The following UBR1 variants were observed in gnomAD, a reference collection of about 807,000 sequenced individuals.
The protein encoded by UBR1 is ubiquitin protein ligase E3 component n-recognin 1.
Under a neutral mutation model 242.1 loss-of-function variants are expected in UBR1, and 102 were observed. That is an observed-to-expected ratio of 0.42 (90% confidence interval 0.36 to 0.50). The LOEUF is 0.50. Among genes scored for constraint, UBR1 ranks in the 20% least tolerant of loss-of-function variants. The pLI is 0.01. For synonymous variants in UBR1, 675 were observed against 684.8 expected (o/e 0.99, Z 0.22); for missense variants, 1,772 against 2,101.8 (o/e 0.84, Z 3.07).
At position 43,075,055 on chromosome 15, in the gene UBR1, C is replaced by T; in HGVS notation, c.452G>A (p.Cys151Tyr). Residue 151 changes from cysteine (C) to tyrosine (Y), a missense_variant, in exon 4 of 47, where the codon TGT becomes TAT. Coordinates refer to ENST00000290650, the MANE Select transcript of UBR1 (RefSeq NM_174916.3). Reference protein sequence around the residue: ...HTSTGGGFCDCGDTEAWKTGP... With the variant: ...HTSTGGGFCDYGDTEAWKTGP... ...AGTTTTCCATGCCTCTGTGTCTCCA[C>T]AGTCACAGAACCCTCCTCCAGTAGA... 6.2e-7 allele frequency: 1 copy of T among 1,614,046 alleles called. No individual in the cohort carries two copies. The highest frequency in any genetic ancestry group is 8.5e-7 in the Non-Finnish European group (1 of 1,179,918).
At chr15:43,036,740 C>T (rs961060878) in intron 17 of UBR1, 147 bp from the exon 18 acceptor site, 2 of 613,418 alleles carry the variant, frequency 3.3e-6, no homozygotes, top group African/African-American at 1.9e-5. Context: ...CTATGAATCA[C>T]TTAAAGGGAC....
chr15:43,041,343 A>G (rs1034473144), intron 15 of UBR1, among the ~76,000 whole-genome samples: 1 of 152,162 alleles, frequency 6.6e-6, no homozygotes, highest in Non-Finnish European at 1.5e-5. Context: ...TATCACAGGG[A>G]CAAAAAACCA....
At chr15:42,992,764 C>T (rs939501946) in intron 33 of UBR1, among the ~76,000 whole-genome samples, 5 of 152,216 alleles carry the variant, frequency 3.3e-5, no homozygotes, top group African/African-American at 1.2e-4. Context: ...GGCCCTTTTC[C>T]CCAGTTTCTC....
At chr15:43,100,851 A>T (rs2034225262) in intron 1 of UBR1, among the ~76,000 whole-genome samples, 1 of 152,240 alleles carries the variant, frequency 6.6e-6, no homozygotes, top group Non-Finnish European at 1.5e-5. Context: ...AGATGCATCA[A>T]TGAACAAGTC....
chr15:43,043,656 A>T (rs75710261), intron 14 of UBR1, among the ~76,000 whole-genome samples: 1 of 152,066 alleles, frequency 6.6e-6, no homozygotes, highest in Non-Finnish European at 1.5e-5. Context: ...CATGTTGGCC[A>T]AGCTGGTTTT....
At chr15:43,016,021 C>T in intron 28 of UBR1, 152 bp from the exon 29 acceptor site, 2 of 674,494 alleles carry the variant, frequency 3.0e-6, no homozygotes, top group Non-Finnish European at 5.0e-6. Context: ...ATTAGCATTA[C>T]AGGCTGCATG....
chr15:42,974,599 G>C (rs931362016), intron 39 of UBR1, among the ~76,000 whole-genome samples: 2 of 152,052 alleles, frequency 1.3e-5, no homozygotes, highest in African/African-American at 4.8e-5. Flanking sequence ...GTACTTGTTT[G>C]TTTACTTATT....
chr15:42,966,170 G>A lies in UBR1; in HGVS notation c.4574C>T (p.Pro1525Leu), dbSNP rs762689115. Residue 1525 changes from proline to leucine, a missense_variant, in exon 41 of 47, where the codon CCT becomes CTT. This residue lies in a region of UBR1 where 965 missense variants were observed against 1,079.7 expected (regional missense o/e 0.89). Coordinates refer to ENST00000290650, the MANE Select transcript of UBR1 (RefSeq NM_174916.3). ...CTACTTACTGGTATGCAGTTCCTCA[G>A]GCGGAGTTACCCCAAGTAAATAGTG... ...FFHYLLGVTPPEELHTNSAEG... is the reference protein window; with the variant it reads ...FFHYLLGVTPLEELHTNSAEG... 2 of 1,614,062 alleles carry A rather than the reference G, an allele frequency of 1.2e-6. No individual in the cohort carries two copies. The highest frequency in any genetic ancestry group is 1.7e-6 in the Non-Finnish European group (2 of 1,180,014).
chr15:42,997,966 G>A (rs1052229549), intron 33 of UBR1, among the ~76,000 whole-genome samples: 1 of 152,122 alleles, frequency 6.6e-6, no homozygotes, highest in African/African-American at 2.4e-5. Flanking sequence ...TATAATCACT[G>A]TCTGTATTGT....
intron 1 of UBR1, among the ~76,000 whole-genome samples, chr15:43,090,026 T>C (rs1374309340): frequency 1.3e-5 from 2 of 152,340 alleles, no homozygotes; most frequent in East Asian, 3.9e-4. Flanking sequence ...ATTAATTTCC[T>C]GTCCTTGATA....
intron 15 of UBR1, among the ~76,000 whole-genome samples, chr15:43,040,311 C>T (rs2033400013): frequency 6.6e-6 from 1 of 152,208 alleles, no homozygotes; most frequent in African/African-American, 2.4e-5. Flanking sequence ...CTACAACCAT[C>T]TGATCTTTGA....
chr15:43,014,360 G>T (rs982126085), intron 29 of UBR1, among the ~76,000 whole-genome samples: 4 of 152,026 alleles, frequency 2.6e-5, no homozygotes, highest in Non-Finnish European at 5.9e-5. Context: ...GGGATGTGAG[G>T]AGCCCCTCTG....
intron 5 of UBR1, 53 bp from the exon 6 acceptor site, chr15:43,068,089 TAA>T (rs375762522): frequency 0.07 from 53,063 of 759,006 alleles, no homozygotes; most frequent in South Asian, 0.089. Flanking sequence ...AAAGGAAAAG[TAA>T]AAAAAAAAAA....
intron 19 of UBR1, among the ~76,000 whole-genome samples, chr15:43,034,290 A>AAATG (rs1567132415): frequency 7.0e-6 from 1 of 142,540 alleles, no homozygotes; most frequent in Non-Finnish European, 1.5e-5. Context: ...ATAGATAAAT[A>AAATG]AATGAGCTGG....
chr15:43,075,857 C>G (rs920207427), intron 3 of UBR1, among the ~76,000 whole-genome samples: 2 of 151,960 alleles, frequency 1.3e-5, no homozygotes, highest in African/African-American at 2.4e-5. Context: ...TCAGGTGATC[C>G]GCCCGCCTCA....
intron 29 of UBR1, among the ~76,000 whole-genome samples, chr15:43,012,402 A>G (rs1287998504): frequency 6.6e-6 from 1 of 152,184 alleles, no homozygotes; most frequent in Non-Finnish European, 1.5e-5. Context: ...AAATGCATAG[A>G]AAGAGGTCTA....
chr15:43,020,975 T>C (rs191702524), intron 27 of UBR1: 6 of 307,792 alleles, frequency 1.9e-5, no homozygotes, highest in African/African-American at 8.7e-5. Flanking sequence ...CTGGAGTATA[T>C]GTTCCATGAT....
chr15:43,016,804 C>A (rs946552335), intron 28 of UBR1, among the ~76,000 whole-genome samples: 1 of 152,086 alleles, frequency 6.6e-6, no homozygotes, highest in African/African-American at 2.4e-5. Context: ...CTTGAACTCC[C>A]GACCTCAAGT....
intron 43 of UBR1, among the ~76,000 whole-genome samples, chr15:42,959,676 T>C (rs1471738218): frequency 6.6e-6 from 1 of 152,230 alleles, no homozygotes; most frequent in Non-Finnish European, 1.5e-5. Context: ...AAATATGTAT[T>C]CATATCTTAA....
Sources: gnomAD v4.1 joint callset for allele counts (sites outside exome capture counted in the v4.1 genomes callset) on GRCh38, gnomAD v4.1.1 for gene constraint, gnomAD v4.1.1 regional missense constraint, MANE v1.5 for transcripts, NCBI Gene and HGNC (gene_info 2026-07-23, HGNC 2026-07-21) for gene names.